The following LRMDA variants were observed in gnomAD, a reference collection of about 807,000 sequenced individuals.
LRMDA encodes the protein leucine rich melanocyte differentiation associated.
LRMDA carries 18 observed loss-of-function variants against 29.8 expected under a neutral mutation model. That is an observed-to-expected ratio of 0.60 (90% confidence interval 0.42 to 0.90). The LOEUF is 0.90. Among genes scored for constraint, LRMDA ranks in the 40% least tolerant of loss-of-function variants. The pLI is 0.00. For missense variants in LRMDA, 273 were observed against 273.9 expected, an observed-to-expected ratio of 1.00 and a Z score of 0.02; for synonymous variants, 125 against 109.4, an observed-to-expected ratio of 1.14 and a Z score of -0.89.
At chr10:75,528,882 A>G (rs747911740) in intron 2 of LRMDA, among the ~76,000 whole-genome samples, 2 of 152,210 alleles carry the variant, frequency 1.3e-5, no homozygotes, top group Non-Finnish European at 2.9e-5. Context: ...ACAGAATACC[A>G]TATCATACGA....
At chr10:76,323,086 A>G (rs1589427243) in intron 5 of LRMDA, among the ~76,000 whole-genome samples, 2 of 152,230 alleles carry the variant, frequency 1.3e-5, no homozygotes, top group Non-Finnish European at 1.5e-5. Context: ...TGTGGACCCA[A>G]TAGCCTTGGA....
rs1420320778 is a variant in LRMDA, at chr10:76,324,428, C to G, written c.544C>G (p.Pro182Ala). 6.2e-7 allele frequency: 1 copy of G among 1,614,080 alleles called. No homozygotes were observed. Among genetic ancestry groups the G allele is most frequent in the South Asian group, 1.1e-5 (1 of 91,060 alleles). ...KASSEDVASS[P>A]ERHYTPLPSA... is the part of the protein sequence containing the mutation. ...TTCTAGTGAGGACGTTGCCAGCTCCCCGGAGCGCCACTACACGCCCTTGCC... is the reference window on the plus strand; with the variant it reads ...TTCTAGTGAGGACGTTGCCAGCTCCGCGGAGCGCCACTACACGCCCTTGCC... The change falls in exon 6 of 7, where the codon CCG (proline) becomes GCG (alanine). Residue 182 changes from proline (P) to alanine (A), a missense_variant. Pro to Ala is a conservative substitution (Grantham distance 27). Transcript: ENST00000611255.
intron 5 of LRMDA, among the ~76,000 whole-genome samples, chr10:76,147,282 T>A (rs1196705360): frequency 1.3e-5 from 2 of 152,188 alleles, no homozygotes; most frequent in Non-Finnish European, 2.9e-5. Context: ...CAGAGTGTTT[T>A]CCAACTTGGT....
At chr10:75,547,154 A>C (rs1424211846) in intron 2 of LRMDA, among the ~76,000 whole-genome samples, 1 of 152,138 alleles carries the variant, frequency 6.6e-6, no homozygotes, top group African/African-American at 2.4e-5. Context: ...GGATCACCCA[A>C]GATTCTATTT....
At chr10:75,495,845 G>A (rs1589160400) in intron 2 of LRMDA, among the ~76,000 whole-genome samples, 2 of 152,226 alleles carry the variant, frequency 1.3e-5, no homozygotes, top group South Asian at 4.1e-4. Flanking sequence ...CCCAGGTGGT[G>A]CTGCTTGTGG....
chr10:76,224,694 G>T (rs770965534), intron 5 of LRMDA, among the ~76,000 whole-genome samples: 1 of 116,286 alleles, frequency 8.6e-6, no homozygotes, highest in Admixed American at 9.7e-5. Context: ...TTTTTTTACC[G>T]GACAAAAATC....
In LRMDA at chr10:75,662,309, A is replaced by G. The variant is rs143967025; in HGVS notation, c.131+223815A>G. On this transcript the variant is annotated intron_variant, in intron 2 of 6. Coordinates refer to ENST00000611255, the MANE Select transcript of LRMDA (RefSeq NM_001305581.2). ...TAAATAGGCTTGGGGTTTGCATTCT[A>G]TCCCATCTAAGGGAAGCTGAGTAGA... Among the ~76,000 whole-genome samples, 28 of 152,318 alleles carry G rather than the reference A, an allele frequency of 1.8e-4. 1 individual carries two copies. In the South Asian group the frequency reaches 3.9e-3, roughly 21 times the overall value.
At chr10:75,672,892 C>A (rs973296084) in intron 2 of LRMDA, among the ~76,000 whole-genome samples, 5 of 151,546 alleles carry the variant, frequency 3.3e-5, no homozygotes, top group Admixed American at 3.3e-4. Context: ...TTTCCTTCCA[C>A]CGTTGGCTTT....
intron 2 of LRMDA, chr10:75,743,871 T>A (rs1012477063): frequency 6.6e-6 from 1 of 152,228 alleles, no homozygotes; most frequent in Non-Finnish European, 1.5e-5. Context: ...TAATGAAAAC[T>A]GTGGCCAGCT....
At chr10:75,766,024 T>A (rs939174715) in intron 2 of LRMDA, among the ~76,000 whole-genome samples, 21 of 152,228 alleles carry the variant, frequency 1.4e-4, no homozygotes, top group Admixed American at 1.2e-3. Flanking sequence ...CTCTAGGTAC[T>A]ACACGCTATC....
At chr10:75,999,751 T>A (rs78128093) in intron 2 of LRMDA, among the ~76,000 whole-genome samples, 1,670 of 152,356 alleles carry the variant, frequency 0.011, 24 homozygotes, top group African/African-American at 0.036. Context: ...TTCATTTCTA[T>A]CTACATTTCA....
At chr10:76,448,711 T>C (rs1842377032) in intron 6 of LRMDA, among the ~76,000 whole-genome samples, 2 of 152,050 alleles carry the variant, frequency 1.3e-5, no homozygotes, top group Non-Finnish European at 2.9e-5. Flanking sequence ...TTTAATATTT[T>C]CCATTTTTCA....
Position 75,944,766 on chromosome 10 carries a change from A to G in LRMDA, c.132-91242A>G, listed in dbSNP as rs1050701847. On this transcript the variant is annotated intron_variant, in intron 2 of 6. Coordinates refer to ENST00000611255, the MANE Select transcript of LRMDA (RefSeq NM_001305581.2). ...TGTATATATATATAAAATAAAATAT[A>G]TATGTATATTTTATTATAAATATTG... Among the ~76,000 whole-genome samples, 11 of 148,652 alleles carry G rather than the reference A, an allele frequency of 7.4e-5. 1 individual carries two copies. Among genetic ancestry groups the G allele is most frequent in the Admixed American group, 4.0e-4 (6 of 14,852 alleles).
intron 6 of LRMDA, among the ~76,000 whole-genome samples, chr10:76,398,376 C>T (rs1841811802): frequency 6.6e-6 from 1 of 152,138 alleles, no homozygotes; most frequent in Non-Finnish European, 1.5e-5. Flanking sequence ...AAGCCATAAC[C>T]AATTCCACTG....
intron 2 of LRMDA, among the ~76,000 whole-genome samples, chr10:75,566,088 G>A (rs1441644469): frequency 2.6e-5 from 4 of 152,126 alleles, no homozygotes; most frequent in Non-Finnish European, 5.9e-5. Flanking sequence ...CTGAAATCAT[G>A]TACTGGATTT....
chr10:76,425,086 GA>G (rs1192677582), intron 6 of LRMDA, among the ~76,000 whole-genome samples: 1 of 152,118 alleles, frequency 6.6e-6, no homozygotes, highest in Non-Finnish European at 1.5e-5. Flanking sequence ...GCAATGCAGT[GA>G]ACTCAACAAT....
intron 5 of LRMDA, among the ~76,000 whole-genome samples, chr10:76,085,524 G>C (rs1306608506): frequency 2.6e-5 from 4 of 152,172 alleles, no homozygotes; most frequent in African/African-American, 9.7e-5. Flanking sequence ...AGAATGGCCT[G>C]GCTGGGGCTG....
At chr10:76,439,035 A>G (rs1164369696) in intron 6 of LRMDA, among the ~76,000 whole-genome samples, 1 of 152,238 alleles carries the variant, frequency 6.6e-6, no homozygotes, top group Non-Finnish European at 1.5e-5. Context: ...TATGATGAAT[A>G]CTTAGTAGTT....
At chr10:75,934,978 G>T (rs1255522975) in intron 2 of LRMDA, among the ~76,000 whole-genome samples, 2 of 152,098 alleles carry the variant, frequency 1.3e-5, no homozygotes, top group Non-Finnish European at 2.9e-5. Context: ...TGGCAGGAGG[G>T]TTTCCTGGCT....
Sources: allele counts gnomAD v4.1 joint callset (sites outside exome capture counted in the v4.1 genomes callset), GRCh38; gene constraint gnomAD v4.1.1; transcripts MANE v1.5; gene names NCBI Gene and HGNC (gene_info 2026-07-23, HGNC 2026-07-21).